Variants in ASTN2 observed in about 807,000 individuals in gnomAD.
ASTN2 encodes astrotactin 2, also known as astrotactin-2.
ASTN2 carries 54 observed loss-of-function variants against 139.8 expected under a neutral mutation model. That is an observed-to-expected ratio of 0.39 (90% CI 0.31 to 0.48). The LOEUF (loss-of-function observed/expected upper bound fraction) is 0.48. ASTN2 is among the 20% of genes least tolerant of loss of function. The probability of loss-of-function intolerance (pLI) is 0.95; values close to 1 mark genes in which losing one functional copy is unlikely to be tolerated. For missense variants in ASTN2, 1,565 were observed against 1,725.1 expected, an observed-to-expected ratio of 0.91 and a Z score of 1.64; for synonymous variants, 756 against 719.5, an observed-to-expected ratio of 1.05 and a Z score of -0.81.
intron 2 of ASTN2, among the ~76,000 whole-genome samples, chr9:117,270,490 C>T (rs1181248117): frequency 6.6e-6 from 1 of 152,154 alleles, no homozygotes; most frequent in Non-Finnish European, 1.5e-5. Flanking sequence ...GGCCCTTGTG[C>T]CTCTAACATG....
chr9:117,138,806 T>C lies in ASTN2; in HGVS notation c.1168+2520A>G, dbSNP rs1446309479. Among the ~76,000 whole-genome samples, 3 of 152,214 alleles carry C rather than the reference T, an allele frequency of 2.0e-5. 1 individual carries two copies. The highest frequency in any genetic ancestry group is 7.2e-5 in the African/African-American group (3 of 41,462). Reference sequence around the variant, plus strand: ...TTAACTTAAAACAGACTTTTATTAATAATCTGACTATGAAATTCTTCTCTA... The same window carrying C: ...TTAACTTAAAACAGACTTTTATTAACAATCTGACTATGAAATTCTTCTCTA... On this transcript the variant is annotated intron_variant, in intron 4 of 22. Transcript: ENST00000313400.
intron 3 of ASTN2, among the ~76,000 whole-genome samples, chr9:117,207,019 A>G (rs1436490477): frequency 2.0e-5 from 3 of 151,698 alleles, no homozygotes. Flanking sequence ...AGCAGCCAAC[A>G]GCCCATGTCC....
At chr9:116,941,678 T>C (rs1835234758) in intron 10 of ASTN2, among the ~76,000 whole-genome samples, 1 of 151,906 alleles carries the variant, frequency 6.6e-6, no homozygotes, top group African/African-American at 2.4e-5. Context: ...CCAGTATAGT[T>C]GACATATAAA....
rs539973558 is a variant in ASTN2, at chr9:117,252,516, C to T, written c.631-37774G>A. ...GAGCAAGAAACAGGACAGATCCAGG[C>T]TCTGTCCACATGGTGCTAATGGCCC... On this transcript the variant is annotated intron_variant, in intron 2 of 22. Coordinates refer to ENST00000313400, the MANE Select transcript of ASTN2 (RefSeq NM_001365068.1). 4.6e-5 allele frequency among the ~76,000 whole-genome samples: 7 copies of T among 152,312 alleles called. No homozygotes were observed. The East Asian group carries it at 1.3e-3, about 29-fold the overall frequency.
chr9:116,687,207 C>A, intron 16 of ASTN2: 2 of 1,009,802 alleles, frequency 2.0e-6, no homozygotes, highest in Non-Finnish European at 2.4e-6. Flanking sequence ...CCTTGCCCCG[C>A]GCGCTTGGGG....
At chr9:116,874,093 A>G (rs1833234990) in intron 10 of ASTN2, among the ~76,000 whole-genome samples, 1 of 152,190 alleles carries the variant, frequency 6.6e-6, no homozygotes, top group Non-Finnish European at 1.5e-5. Context: ...TACAGAGGTG[A>G]GAGGACTGGC....
At chr9:117,049,615 T>C (rs1838857692) in intron 5 of ASTN2, among the ~76,000 whole-genome samples, 1 of 152,208 alleles carries the variant, frequency 6.6e-6, no homozygotes, top group Non-Finnish European at 1.5e-5. Flanking sequence ...GGGGTTACCC[T>C]TCATTTACAA....
At chr9:116,968,005 T>C (rs1836067227) in intron 10 of ASTN2, among the ~76,000 whole-genome samples, 1 of 152,228 alleles carries the variant, frequency 6.6e-6, no homozygotes, top group African/African-American at 2.4e-5. Context: ...CTACAATTCC[T>C]ACTGCTTCTA....
chr9:116,849,155 C>T (rs566991682), intron 11 of ASTN2, among the ~76,000 whole-genome samples: 2 of 152,200 alleles, frequency 1.3e-5, no homozygotes, highest in Non-Finnish European at 2.9e-5. Context: ...GCACATCGTC[C>T]TCCAGGAACC....
At chr9:116,427,280 A>G (rs544059391) in intron 22 of ASTN2, among the ~76,000 whole-genome samples, 1 of 152,198 alleles carries the variant, frequency 6.6e-6, no homozygotes, top group Non-Finnish European at 1.5e-5. Context: ...AATTTTCAAT[A>G]GCACTCTTGC....
At chr9:116,801,716 C>G (rs1213430223) in intron 13 of ASTN2, among the ~76,000 whole-genome samples, 1 of 151,596 alleles carries the variant, frequency 6.6e-6, no homozygotes, top group African/African-American at 2.4e-5. Context: ...ACTGACTTAG[C>G]ATGGTTCCAA....
intron 1 of ASTN2, among the ~76,000 whole-genome samples, chr9:117,361,227 T>A (rs1829684379): frequency 6.6e-6 from 1 of 152,212 alleles, no homozygotes; most frequent in Non-Finnish European, 1.5e-5. Flanking sequence ...TGGATGCACA[T>A]CCAAGACCTC....
At chr9:116,878,981 C>A (rs1191376472) in intron 10 of ASTN2, among the ~76,000 whole-genome samples, 1 of 151,852 alleles carries the variant, frequency 6.6e-6, no homozygotes, top group East Asian at 2.0e-4. Context: ...GTGTGCCCTG[C>A]TGCTCAGGAG....
chr9:116,662,978 TG>T (rs751825129), intron 16 of ASTN2, among the ~76,000 whole-genome samples: 37 of 152,294 alleles, frequency 2.4e-4, no homozygotes, highest in Non-Finnish European at 5.0e-4. Context: ...GGAGCTGAGA[TG>T]GATCATTAAT....
intron 17 of ASTN2, among the ~76,000 whole-genome samples, chr9:116,623,967 C>A (rs945753219): frequency 6.6e-6 from 1 of 152,148 alleles, no homozygotes. Context: ...AAACCTTATA[C>A]TGGAGGCATT....
intron 17 of ASTN2, among the ~76,000 whole-genome samples, chr9:116,631,186 C>A (rs1856727406): frequency 6.6e-6 from 1 of 152,144 alleles, no homozygotes; most frequent in Non-Finnish European, 1.5e-5. Flanking sequence ...ACCATATAAT[C>A]CAATAATCTC....
intron 3 of ASTN2, among the ~76,000 whole-genome samples, chr9:117,166,660 C>T (rs1369217399): frequency 6.6e-6 from 1 of 152,132 alleles, no homozygotes; most frequent in Non-Finnish European, 1.5e-5. Flanking sequence ...TCCTTCAGAT[C>T]TCTGATTAGC....
intron 2 of ASTN2, among the ~76,000 whole-genome samples, chr9:117,238,492 T>G (rs1012355759): frequency 6.6e-6 from 1 of 152,232 alleles, no homozygotes; most frequent in South Asian, 2.1e-4. Context: ...GAACCTGTTA[T>G]GAATGTGTAT....
At chr9:117,165,082 A>C (rs1441820278) in intron 3 of ASTN2, among the ~76,000 whole-genome samples, 1 of 151,978 alleles carries the variant, frequency 6.6e-6, no homozygotes, top group Non-Finnish European at 1.5e-5. Context: ...ACAACCACTG[A>C]GCTTTGTAAC....
Sources: gnomAD v4.1 joint callset for allele counts (sites outside exome capture counted in the v4.1 genomes callset) on GRCh38, gnomAD v4.1.1 for gene constraint, MANE v1.5 for transcripts, NCBI Gene and HGNC (gene_info 2026-07-23, HGNC 2026-07-21) for gene names.